Variants in MYO1E observed in about 807,000 individuals in gnomAD.
The protein encoded by MYO1E is myosin IE, also known as unconventional myosin-Ie.
Under a neutral mutation model 151.1 loss-of-function variants are expected in MYO1E, and 68 were observed. The observed-to-expected ratio is 0.45, with a 90% CI of 0.37 to 0.55. The LOEUF (loss-of-function observed/expected upper bound fraction) is 0.55. Among genes scored for constraint, MYO1E ranks in the 20% least tolerant of loss-of-function variants. The pLI is 0.00. For synonymous variants in MYO1E, 601 were observed against 501.7 expected (o/e 1.20, Z -2.64); for missense variants, 1,363 against 1,389.3 (o/e 0.98, Z 0.30).
chr15:59,162,139 T>C (rs2079541260), intron 23 of MYO1E, among the ~76,000 whole-genome samples: 2 of 152,110 alleles, frequency 1.3e-5, no homozygotes, highest in Admixed American at 1.3e-4. Context: ...TGGGCTCAAG[T>C]ATCCTCCCAC....
chr15:59,256,469 T>C, intron 3 of MYO1E, 91 bp from the exon 4 acceptor site: 1 of 676,584 alleles, frequency 1.5e-6, no homozygotes, highest in South Asian at 2.3e-5. Flanking sequence ...ACACTCAATT[T>C]CTTTTCCTGA....
In MYO1E at chr15:59,223,096, T is replaced by C; in HGVS notation, c.873A>G (p.Lys291=). 3 of 1,614,196 alleles carry C rather than the reference T, an allele frequency of 1.9e-6. No homozygotes were observed. In the South Asian group the frequency reaches 3.3e-5, roughly 18 times the overall value. ...CCACAGCCGCGTAGTTGCCAACTTC[T>C]TTGAAGCTGATGTTTCCCAGGTGGA... ...GILHLGNISF[K]EVGNYAAVES... The change falls in exon 9 of 28, where the codon AAA becomes AAG. Residue 291 remains lysine (K), a synonymous_variant. Transcript: ENST00000288235.
At chr15:59,255,785 C>T (rs747248592) in intron 4 of MYO1E, among the ~76,000 whole-genome samples, 19 of 152,246 alleles carry the variant, frequency 1.2e-4, no homozygotes, top group Admixed American at 3.9e-4. Context: ...TGTCCTAGGC[C>T]GCATGTGGCC....
chr15:59,226,717 G>A (rs891603112), intron 7 of MYO1E, among the ~76,000 whole-genome samples: 1 of 152,198 alleles, frequency 6.6e-6, no homozygotes. Flanking sequence ...TGAGGCAGGG[G>A]GATCATTTGA....
At chr15:59,255,021 T>C (rs1403873505) in intron 4 of MYO1E, among the ~76,000 whole-genome samples, 5 of 152,152 alleles carry the variant, frequency 3.3e-5, no homozygotes, top group Admixed American at 2.6e-4. Context: ...AGACAGGGTT[T>C]CCCCATGTTG....
chr15:59,151,444 C>G (rs895707463), intron 26 of MYO1E, among the ~76,000 whole-genome samples: 1 of 151,606 alleles, frequency 6.6e-6, no homozygotes, highest in Admixed American at 6.6e-5. Flanking sequence ...AACAAAAAAC[C>G]CCCCCCAAAA....
rs773372483 is a variant in MYO1E, at chr15:59,161,054, G to A, written c.2785+19C>T. 1.9e-6 allele frequency: 3 copies of A among 1,612,580 alleles called. No individual in the cohort carries two copies. Among genetic ancestry groups the A allele is most frequent in the Non-Finnish European group, 2.5e-6 (3 of 1,180,004 alleles). ...GGGAGCGGCGGCAGTTCTGCCTGCA[G>A]GGCCCGTGGAGCACTTACGGGAGTT... On this transcript the variant is annotated intron_variant, in intron 24 of 27. Coordinates refer to ENST00000288235, the MANE Select transcript of MYO1E (RefSeq NM_004998.4).
At chr15:59,306,664 G>T (rs1014632476) in intron 1 of MYO1E, among the ~76,000 whole-genome samples, 1 of 152,194 alleles carries the variant, frequency 6.6e-6, no homozygotes, top group African/African-American at 2.4e-5. Flanking sequence ...GGTCTCAAAG[G>T]ACTTTGCTCA....
chr15:59,152,096 G>A (rs1241873060), intron 26 of MYO1E, among the ~76,000 whole-genome samples: 3 of 151,922 alleles, frequency 2.0e-5, no homozygotes, highest in African/African-American at 4.8e-5. Flanking sequence ...GGGTGTGGTG[G>A]TGCGTGCCTG....
At chr15:59,341,008 C>T (rs2080761622) in intron 1 of MYO1E, among the ~76,000 whole-genome samples, 1 of 105,986 alleles carries the variant, frequency 9.4e-6, no homozygotes. Flanking sequence ...CAGAGCGAGA[C>T]TCCATCTCAA....
At chr15:59,311,127 T>G (rs1203095048) in intron 1 of MYO1E, among the ~76,000 whole-genome samples, 1 of 152,142 alleles carries the variant, frequency 6.6e-6, no homozygotes, top group Non-Finnish European at 1.5e-5. Flanking sequence ...AGGGTGGCCC[T>G]GGATGTCCAT....
chr15:59,294,665 G>T (rs1031986330), intron 1 of MYO1E, among the ~76,000 whole-genome samples: 1 of 152,154 alleles, frequency 6.6e-6, no homozygotes, highest in Non-Finnish European at 1.5e-5. Flanking sequence ...ACAGGACGGG[G>T]GTTTGACTCT....
chr15:59,156,662 T>C (rs116376208), intron 25 of MYO1E, among the ~76,000 whole-genome samples: 1,576 of 152,326 alleles, frequency 0.01, 23 homozygotes, highest in African/African-American at 0.037. Flanking sequence ...ATCTTGGACA[T>C]TGGTACAAAT....
chr15:59,302,970 GA>G (rs1298362113), intron 1 of MYO1E, among the ~76,000 whole-genome samples: 1 of 152,150 alleles, frequency 6.6e-6, no homozygotes, highest in Non-Finnish European at 1.5e-5. Context: ...CTAGAGTGGA[GA>G]AAGGAAACTT....
intron 1 of MYO1E, among the ~76,000 whole-genome samples, chr15:59,334,630 T>C (rs1047183431): frequency 6.6e-6 from 1 of 152,042 alleles, no homozygotes; most frequent in African/African-American, 2.4e-5. Context: ...TAGAATCAGA[T>C]GGTATCAATA....
intron 4 of MYO1E, among the ~76,000 whole-genome samples, chr15:59,246,191 C>T (rs1381202698): frequency 2.0e-5 from 3 of 152,076 alleles, no homozygotes; most frequent in African/African-American, 7.2e-5. Flanking sequence ...CATCTTGGCT[C>T]ACTGCAACCT....
intron 18 of MYO1E, among the ~76,000 whole-genome samples, chr15:59,182,217 T>TA (rs78304900): frequency 6.6e-6 from 1 of 152,194 alleles, no homozygotes; most frequent in African/African-American, 2.4e-5. Flanking sequence ...TCTTTTTTTT[T>TA]ATTTTTATTT....
Position 59,256,329 on chromosome 15 carries a change from T to C in MYO1E, c.287A>G (p.Tyr96Cys). Residue 96 changes from tyrosine (Y) to cysteine (C), a missense_variant, in exon 4 of 28, where the codon TAC (tyrosine) becomes TGC (cysteine). By Grantham distance (194) the Tyr-to-Cys change is radical. Coordinates refer to ENST00000288235, the MANE Select transcript of MYO1E (RefSeq NM_004998.4). ...PHIYALADNM[Y>C]RNMIIDRENQ... ...CTCTCTGTCAATGATCATGTTTCTG[T>C]ACATATTATCTGCAAGGGCATAGAT... is the stretch of plus-strand genomic sequence containing the variant. 6.2e-7 allele frequency: 1 copy of C among 1,613,210 alleles called. No individual in the cohort carries two copies. The highest frequency in any genetic ancestry group is 8.5e-7 in the Non-Finnish European group (1 of 1,179,334).
chr15:59,158,910 G>A (rs2079522999), intron 24 of MYO1E, among the ~76,000 whole-genome samples: 1 of 152,142 alleles, frequency 6.6e-6, no homozygotes, highest in African/African-American at 2.4e-5. Context: ...AGACATGAAG[G>A]AATGAGGAAC....
Sources: gnomAD v4.1 joint callset for allele counts (sites outside exome capture counted in the v4.1 genomes callset) on GRCh38, gnomAD v4.1.1 for gene constraint, MANE v1.5 for transcripts, NCBI Gene and HGNC (gene_info 2026-07-23, HGNC 2026-07-21) for gene names.